Variants in MCF2L observed in about 807,000 individuals in gnomAD.
The protein encoded by MCF2L is guanine nucleotide exchange factor DBS.
In MCF2L, 97 loss-of-function variants were observed where a neutral mutation model predicts 153.4. The observed-to-expected ratio is 0.63, with a 90% CI of 0.54 to 0.75. The LOEUF (loss-of-function observed/expected upper bound fraction) is 0.75, where lower values mean the gene tolerates loss of function less well. Among genes scored for constraint, MCF2L ranks in the 30% least tolerant of loss-of-function variants. The pLI is 0.00. For synonymous variants in MCF2L, 659 were observed against 632.2 expected (o/e 1.04, Z -0.64); for missense variants, 1,347 against 1,495.2 (o/e 0.90, Z 1.64).
chr13:112,918,673 C>G (rs1375496366), intron 2 of MCF2L, among the ~76,000 whole-genome samples: 2 of 152,194 alleles, frequency 1.3e-5, no homozygotes, highest in African/African-American at 2.4e-5. Context: ...AGCTGGCTGG[C>G]ATTTCCTGCT....
Position 113,078,676 on chromosome 13 carries a change from G to A in MCF2L, c.1745G>A (p.Ser582Asn). ...TGTTTTTCTCCCCAGAGTGAGATGA[G>A]TGAGAGCCGGCAGGGCCGCGGCTCA... is the stretch of plus-strand genomic sequence containing the variant. The part of the protein sequence containing the change: ...GPYRRAKSEM[S>N]ESRQGRGSAG... The change falls in exon 15 of 30, where the codon AGT becomes AAT. Residue 582 changes from serine (S) to asparagine (N), a missense_variant. Ser to Asn is a conservative substitution (Grantham distance 46, BLOSUM62 1). Transcript: ENST00000535094. 6.2e-7 allele frequency: 1 copy of A among 1,612,150 alleles called. No homozygotes were observed. Among genetic ancestry groups the A allele is most frequent in the Non-Finnish European group, 8.5e-7 (1 of 1,179,744 alleles).
chr13:112,976,488 A>T (rs935067215), intron 1 of MCF2L, among the ~76,000 whole-genome samples: 13 of 152,200 alleles, frequency 8.5e-5, no homozygotes, highest in African/African-American at 2.7e-4. Context: ...GCACCTGTTA[A>T]ACGCTGCACA....
At chr13:112,952,941 G>A (rs1387018719) in intron 2 of MCF2L, among the ~76,000 whole-genome samples, 1 of 152,162 alleles carries the variant, frequency 6.6e-6, no homozygotes. Flanking sequence ...CACAAAGCAG[G>A]CGACACTAAA....
intron 4 of MCF2L, among the ~76,000 whole-genome samples, chr13:113,060,364 A>G (rs1051433339): frequency 1.3e-5 from 2 of 152,236 alleles, no homozygotes; most frequent in Admixed American, 6.5e-5. Context: ...TGTAAGCAGC[A>G]TAACGTTCTG....
chr13:112,974,589 T>G (rs2082155135), intron 1 of MCF2L, among the ~76,000 whole-genome samples: 1 of 152,150 alleles, frequency 6.6e-6, no homozygotes, highest in Non-Finnish European at 1.5e-5. Context: ...TACCAGAGGG[T>G]GCACTCCAGA....
chr13:113,061,724 TG>T (rs1234165885), intron 5 of MCF2L, among the ~76,000 whole-genome samples: 7 of 27,084 alleles, frequency 2.6e-4, no homozygotes, highest in East Asian at 2.7e-3. Flanking sequence ...CCCTCCCCCT[TG>T]CCCTCCCCTC....
At chr13:113,022,358 C>T (rs1228273836) in intron 2 of MCF2L, among the ~76,000 whole-genome samples, 1 of 152,192 alleles carries the variant, frequency 6.6e-6, no homozygotes, top group Non-Finnish European at 1.5e-5. Flanking sequence ...CCAGTGTACC[C>T]CAAGGAGCAG....
chr13:112,993,318 C>T lies in MCF2L; in HGVS notation c.80-21445C>T, dbSNP rs892898774. On this transcript the variant is annotated intron_variant, in intron 1 of 29. Coordinates refer to ENST00000535094, the MANE Select transcript of MCF2L (RefSeq NM_001112732.3). This position sits in a 1 kb window ranked among gnomAD's most constrained non-coding sequence, Gnocchi z 4.6. Reference sequence around the variant, plus strand: ...TGTTCCTGGGCAGAGGCTTGGTGGGCAGTAGGGGCCGACCTGAGGGCTCTG... The same window carrying T: ...TGTTCCTGGGCAGAGGCTTGGTGGGTAGTAGGGGCCGACCTGAGGGCTCTG... 5.9e-5 allele frequency among the ~76,000 whole-genome samples: 9 copies of T among 152,148 alleles called. No individual in the cohort carries two copies. Among genetic ancestry groups the T allele is most frequent in the African/African-American group, 9.7e-5 (4 of 41,438 alleles).
chr13:112,909,407 G>A, intron 2 of MCF2L: 3 of 736,608 alleles, frequency 4.1e-6, no homozygotes, highest in Non-Finnish European at 7.6e-6. Context: ...CCAAGGGGCT[G>A]TCTGCAGGGG....
At position 113,088,598 on chromosome 13, in the gene MCF2L, G is replaced by A. The variant is rs1251563738; in HGVS notation, c.2804G>A (p.Ser935Asn). ...SQHRALEQSQ[S>N]LPLPAPTSTS... ...CACCGGGCGCTGGAGCAGTCACAGAGCCTGCCCCTGCCGGCCCCGACCAGC... is the reference window on the plus strand; with the variant it reads ...CACCGGGCGCTGGAGCAGTCACAGAACCTGCCCCTGCCGGCCCCGACCAGC... The change falls in exon 25 of 30, where the codon AGC (serine) becomes AAC (asparagine). Residue 935 changes from serine (S) to asparagine (N), a missense_variant. Physicochemically the swap from Ser to Asn is conservative, Grantham distance 46. Coordinates refer to ENST00000535094, the MANE Select transcript of MCF2L (RefSeq NM_001112732.3). 6.2e-7 allele frequency: 1 copy of A among 1,608,972 alleles called. No homozygotes were observed. Among genetic ancestry groups the A allele is most frequent in the Non-Finnish European group, 8.5e-7 (1 of 1,179,848 alleles).
intron 2 of MCF2L, among the ~76,000 whole-genome samples, chr13:113,021,592 C>T (rs377358424): frequency 1.4e-3 from 210 of 152,308 alleles, no homozygotes; most frequent in African/African-American, 5.0e-3. Flanking sequence ...GTTCAGTCCG[C>T]CTCCAGTTAC....
rs778958206 is a variant in MCF2L at position 112,969,355 on chromosome 13, A to G, written c.-25A>G. 39 of 1,549,282 alleles carry G rather than the reference A, an allele frequency of 2.5e-5. No homozygotes were observed. The South Asian group carries it at 4.4e-4, about 17-fold the overall frequency. On this transcript the variant is annotated 5_prime_UTR_variant, in exon 1 of 30. Transcript: ENST00000535094. This position sits in a 1 kb window ranked among gnomAD's most constrained non-coding sequence, Gnocchi z 4.8. The stretch of plus-strand genomic sequence containing the variant: ...CCCGTGCGGAGGAAGCGGATCTGCC[A>G]GGATCATTTTTGTTGTGTCGGAGGA...
chr13:112,937,809 T>TAATTGGTTGGTTGGTTCAGGTGA (rs2081530578), intron 2 of MCF2L, among the ~76,000 whole-genome samples: 1 of 4,824 alleles, frequency 2.1e-4, no homozygotes, highest in Admixed American at 2.2e-3. Flanking sequence ...GGTTCAGGTG[T>TAATTGGTTGGTTGGTTCAGGTGA]GCTCTGAGTG....
Position 113,007,997 on chromosome 13 carries a change from A to G in MCF2L, c.80-6766A>G, listed in dbSNP as rs545986238. 2.3e-3 allele frequency among the ~76,000 whole-genome samples: 352 copies of G among 151,040 alleles called. 4 individuals are homozygous for G. Among genetic ancestry groups the G allele is most frequent in the African/African-American group, 8.0e-3 (329 of 41,108 alleles). Reference sequence around the variant, plus strand: ...AGTGGCACAATCTCAGCTCACAGCAACATCCACCTCCCAGGTTCAAAAGAT... The same window carrying G: ...AGTGGCACAATCTCAGCTCACAGCAGCATCCACCTCCCAGGTTCAAAAGAT... On this transcript the variant is annotated intron_variant, in intron 1 of 29. Coordinates refer to ENST00000535094, the MANE Select transcript of MCF2L (RefSeq NM_001112732.3).
intron 1 of MCF2L, among the ~76,000 whole-genome samples, chr13:113,007,483 A>G (rs2083783690): frequency 6.6e-6 from 1 of 152,152 alleles, no homozygotes; most frequent in Admixed American, 6.5e-5. Context: ...TGAGGCGGAG[A>G]AAGAGGAAAT....
Position 113,014,787 on chromosome 13 carries a change from T to C in MCF2L, c.104T>C (p.Val35Ala), listed in dbSNP as rs761108440. Reference protein sequence around the residue: ...HTDEIMHQDIVPLCAADIQDQ... With the variant: ...HTDEIMHQDIAPLCAADIQDQ... ...GATGAAATCATGCACCAGGACATCGTCCCGCTCTGTGCTGCCGACATCCAG... is the reference window on the plus strand; with the variant it reads ...GATGAAATCATGCACCAGGACATCGCCCCGCTCTGTGCTGCCGACATCCAG... The change falls in exon 2 of 30, where the codon GTC (valine) becomes GCC (alanine). Residue 35 changes from valine (V) to alanine (A), a missense_variant. Transcript: ENST00000535094. The C allele has an allele frequency of 1.1e-5, 18 of 1,614,044 alleles. No individual in the cohort carries two copies. The highest frequency in any genetic ancestry group is 1.7e-4 in the Middle Eastern group (1 of 6,060).
intron 1 of MCF2L, chr13:113,010,286 A>G (rs949239896): frequency 6.6e-6 from 1 of 152,178 alleles, no homozygotes; most frequent in South Asian, 2.1e-4. Context: ...TTCAGGATGA[A>G]ATTGTCCTCA....
At chr13:113,001,722 C>G (rs946765916) in intron 1 of MCF2L, 43 of 1,360,496 alleles carry the variant, frequency 3.2e-5, no homozygotes, top group Non-Finnish European at 3.8e-5. Context: ...TCAGGGACAT[C>G]GAATCGGAGG....
chr13:113,021,988 G>GC (rs2084914156), intron 2 of MCF2L, among the ~76,000 whole-genome samples: 1 of 152,152 alleles, frequency 6.6e-6, no homozygotes, highest in African/African-American at 2.4e-5. Flanking sequence ...GGGTCACCTG[G>GC]CCCCCATCCT....
Sources: gnomAD v4.1 joint callset for allele counts (sites outside exome capture counted in the v4.1 genomes callset) on GRCh38, gnomAD v4.1.1 for gene constraint, Gnocchi (gnomAD v3.1) non-coding constraint, MANE v1.5 for transcripts, NCBI Gene and HGNC (gene_info 2026-07-23, HGNC 2026-07-21) for gene names.